The following TLL2 variants were observed in gnomAD, a reference collection of about 807,000 sequenced individuals.
TLL2 encodes the protein tolloid-like protein 2.
TLL2 carries 106 observed loss-of-function variants against 123.0 expected under a neutral mutation model. The observed-to-expected ratio is 0.86, with a 90% CI of 0.74 to 1.01. The LOEUF (loss-of-function observed/expected upper bound fraction) is 1.01, where lower values mean the gene tolerates loss of function less well. Among genes scored for constraint, TLL2 ranks in the 50% least tolerant of loss-of-function variants. TLL2 has a pLI of 0.00. For synonymous variants in TLL2, 494 were observed against 516.8 expected, an observed-to-expected ratio of 0.96 and a Z score of 0.60; for missense variants, 1,332 against 1,336.7, an observed-to-expected ratio of 1.00 and a Z score of 0.06.
rs1846067022 is a variant in TLL2, at chr10:96,370,185, C to T, written c.2793G>A (p.Val931=). 1 of 1,614,044 alleles carries T rather than the reference C, an allele frequency of 6.2e-7. No individual in the cohort carries two copies. Among genetic ancestry groups the T allele is most frequent in the Non-Finnish European group, 8.5e-7 (1 of 1,180,012 alleles). ...CCTCAAAGGTCCGGAATGTCAGCTC[C>T]ACGCCGTAGCCGTCCTCTGCCACGA... ...WVIVAEDGYG[V]ELTFRTFEVE... is the part of the protein sequence containing the mutation. The change falls in exon 20 of 21, where the codon GTG becomes GTA. Residue 931 remains valine, a synonymous_variant. Coordinates refer to ENST00000357947, the MANE Select transcript of TLL2 (RefSeq NM_012465.4).
intron 2 of TLL2, among the ~76,000 whole-genome samples, chr10:96,463,472 A>G (rs1013791032): frequency 3.9e-5 from 6 of 152,216 alleles, no homozygotes; most frequent in Non-Finnish European, 5.9e-5. Context: ...TCGGGACCTC[A>G]GGCAAACCAG....
intron 1 of TLL2, among the ~76,000 whole-genome samples, chr10:96,499,317 C>T (rs1347225824): frequency 6.6e-6 from 1 of 152,174 alleles, no homozygotes; most frequent in African/African-American, 2.4e-5. Context: ...CTTAAGAAGT[C>T]AGAATTTCAG....
chr10:96,432,499 C>T (rs553326456), intron 4 of TLL2, among the ~76,000 whole-genome samples: 8 of 152,254 alleles, frequency 5.3e-5, no homozygotes, highest in South Asian at 4.2e-4. Context: ...TTCTTCTATG[C>T]GGAGGGCTTG....
intron 16 of TLL2, among the ~76,000 whole-genome samples, chr10:96,380,618 A>T (rs1003897268): frequency 6.9e-6 from 1 of 145,532 alleles, no homozygotes; most frequent in South Asian, 2.2e-4. Context: ...GCATGAACCC[A>T]GGAGGCGGAG....
rs1386397616 is a variant in TLL2 at position 96,373,614 on chromosome 10, G to A, written c.2644C>T (p.Gln882Ter). 5 of 1,614,208 alleles carry A rather than the reference G, an allele frequency of 3.1e-6. No homozygotes were observed. Among genetic ancestry groups the A allele is most frequent in the African/African-American group, 1.3e-5 (1 of 75,054 alleles). Residue 882 changes from glutamine to a stop codon, truncating the protein, a stop_gained, in exon 19 of 21, where the codon CAG becomes TAG. Coordinates refer to ENST00000357947, the MANE Select transcript of TLL2 (RefSeq NM_012465.4). LOFTEE classifies it high-confidence loss of function. The part of the protein sequence containing the change: ...SDASVQRKGF[Q>*]AVHSTECGGR... ...CAGGTACCTGTGCTGTGCACTGCCT[G>A]GAAGCCTTTCCTCTGCACTGAGGCA... is the stretch of plus-strand genomic sequence containing the variant.
At chr10:96,405,145 G>T (rs946832156) in intron 10 of TLL2, 87 bp downstream of exon 10, 1 of 1,230,988 alleles carries the variant, frequency 8.1e-7, no homozygotes, top group Non-Finnish European at 1.2e-6. Flanking sequence ...TCCTGTGACC[G>T]CTGTCAAGGT....
At chr10:96,428,561 C>A in intron 5 of TLL2, 70 bp downstream of exon 5, 1 of 983,238 alleles carries the variant, frequency 1.0e-6, no homozygotes, top group Admixed American at 2.0e-5. Context: ...CTTAGGTTTA[C>A]AGAGAAAATT....
chr10:96,457,964 T>C (rs1847033570), intron 2 of TLL2, among the ~76,000 whole-genome samples: 1 of 152,148 alleles, frequency 6.6e-6, no homozygotes. Context: ...CCCAACACCT[T>C]CTAAAATGCA....
At chr10:96,471,238 C>A (rs542102103) in intron 2 of TLL2, among the ~76,000 whole-genome samples, 19 of 152,290 alleles carry the variant, frequency 1.2e-4, no homozygotes, top group African/African-American at 4.3e-4. Flanking sequence ...CTCCTGACCT[C>A]AAGCAATCCA....
chr10:96,498,788 C>T (rs897117733), intron 1 of TLL2, among the ~76,000 whole-genome samples: 9 of 152,160 alleles, frequency 5.9e-5, no homozygotes, highest in African/African-American at 1.7e-4. Flanking sequence ...CTCTGCATAC[C>T]GTCTTGACCA....
intron 9 of TLL2, among the ~76,000 whole-genome samples, chr10:96,406,163 C>T (rs1846447498): frequency 6.6e-6 from 1 of 152,074 alleles, no homozygotes; most frequent in Non-Finnish European, 1.5e-5. Context: ...CCTCAGCACA[C>T]AGGTGCTGTA....
chr10:96,385,835 T>TCCTG (rs1846228726), intron 15 of TLL2, among the ~76,000 whole-genome samples: 1 of 152,172 alleles, frequency 6.6e-6, no homozygotes, highest in African/African-American at 2.4e-5. Context: ...TCCTTGGATG[T>TCCTG]ATCAGCGACA....
At position 96,485,193 on chromosome 10, in the gene TLL2, A is replaced by T. The variant is rs1249998460; in HGVS notation, c.176-4734T>A. Among the ~76,000 whole-genome samples the T allele has an allele frequency of 3.3e-5, 5 of 152,362 alleles. No homozygotes were observed. In the East Asian group the frequency reaches 9.6e-4, roughly 29 times the overall value. On this transcript the variant is annotated intron_variant, in intron 1 of 20. Transcript: ENST00000357947. ...AACCAAAAAACTATTAGGAGGAAAC[A>T]TCAGCATAAATCTTCATTATCTTGA...
intron 2 of TLL2, among the ~76,000 whole-genome samples, chr10:96,476,844 A>C (rs1847258493): frequency 7.3e-6 from 1 of 136,332 alleles, no homozygotes; most frequent in African/African-American, 2.7e-5. Flanking sequence ...AAAATCCCTA[A>C]TCCCTTTTAT....
At chr10:96,435,000 CTATTCAAATTATT>C (rs1028700310) in intron 3 of TLL2, among the ~76,000 whole-genome samples, 2 of 148,954 alleles carry the variant, frequency 1.3e-5, no homozygotes, top group African/African-American at 4.9e-5. Context: ...AGAGAAATAT[CTATTCAAATTATT>C]TATTCATTTC....
At chr10:96,439,372 A>G (rs994124498) in intron 3 of TLL2, among the ~76,000 whole-genome samples, 1 of 151,656 alleles carries the variant, frequency 6.6e-6, no homozygotes, top group Non-Finnish European at 1.5e-5. Context: ...AAGTGCTGGG[A>G]TTACAGGTGT....
At chr10:96,510,986 C>A (rs764473728) in intron 1 of TLL2, among the ~76,000 whole-genome samples, 1 of 152,298 alleles carries the variant, frequency 6.6e-6, no homozygotes, top group East Asian at 1.9e-4. Flanking sequence ...GGAGGGGAGT[C>A]GTCCCGGTAA....
Position 96,396,358 on chromosome 10 carries a change from G to A in TLL2, c.1385-338C>T, listed in dbSNP as rs191163886. On this transcript the variant is annotated intron_variant, in intron 11 of 20. Transcript: ENST00000357947. ...TCCAGTGGGTGTTGGGGAGCGCTGCGTAGCCGTGAAGTTCCCCAGGTGATT... is the reference window on the plus strand; with the variant it reads ...TCCAGTGGGTGTTGGGGAGCGCTGCATAGCCGTGAAGTTCCCCAGGTGATT... Among the ~76,000 whole-genome samples the A allele has an allele frequency of 4.3e-4, 66 of 152,288 alleles. 1 individual carries two copies. The South Asian group carries it at 0.01, about 24-fold the overall frequency.
intron 2 of TLL2, among the ~76,000 whole-genome samples, chr10:96,477,032 C>CT (rs10615764): frequency 0.2 from 21,755 of 110,442 alleles, 2,275 homozygotes; most frequent in East Asian, 0.29. Flanking sequence ...AGCTACTGGA[C>CT]TTTTTTTTTT....
Sources: gnomAD v4.1 joint callset for allele counts (sites outside exome capture counted in the v4.1 genomes callset) on GRCh38, gnomAD v4.1.1 for gene constraint, MANE v1.5 for transcripts, NCBI Gene and HGNC (gene_info 2026-07-23, HGNC 2026-07-21) for gene names.